The following CACNA2D4 variants were observed in gnomAD, a reference collection of about 807,000 sequenced individuals.
CACNA2D4 encodes the protein calcium voltage-gated channel auxiliary subunit alpha2delta 4, also known as voltage-dependent calcium channel subunit alpha-2/delta-4.
In CACNA2D4, 157 loss-of-function variants were observed where a neutral mutation model predicts 163.8. The observed-to-expected ratio is 0.96, with a 90% CI of 0.84 to 1.09. The LOEUF is 1.09. Ranked by LOEUF, CACNA2D4 falls within the 50% of genes least tolerant of loss-of-function variation. The pLI is 0.00. For missense variants in CACNA2D4, 1,410 were observed against 1,479.9 expected, an observed-to-expected ratio of 0.95 and a Z score of 0.78; for synonymous variants, 598 against 586.9, an observed-to-expected ratio of 1.02 and a Z score of -0.27.
chr12:1,855,874 G>A (rs907147976), intron 22 of CACNA2D4, 138 bp downstream of exon 22: 20 of 656,008 alleles, frequency 3.0e-5, no homozygotes, highest in African/African-American at 2.9e-4. Flanking sequence ...GAATCTCCCT[G>A]TTTGATCTAA....
In CACNA2D4 at chr12:1,802,386, G is replaced by C. The variant is rs1033165873; in HGVS notation, c.2722-742C>G. ...GCCTTCATTTCCAAAAAATAAAACA[G>C]GACCCTCCCTCCTGCCCCCGGCTCC... is the stretch of plus-strand genomic sequence containing the variant. On this transcript the variant is annotated intron_variant, in intron 29 of 37. Transcript: ENST00000382722. This position sits in a 1 kb window ranked among gnomAD's most constrained non-coding sequence, Gnocchi z 4.7. Among the ~76,000 whole-genome samples the C allele has an allele frequency of 1.3e-5, 2 of 152,122 alleles. No homozygotes were observed. The highest frequency in any genetic ancestry group is 2.9e-5 in the Non-Finnish European group (2 of 68,022).
chr12:1,881,037 G>C (rs938612669), intron 13 of CACNA2D4, among the ~76,000 whole-genome samples: 2 of 152,212 alleles, frequency 1.3e-5, no homozygotes, highest in African/African-American at 4.8e-5. Flanking sequence ...CTGGGCTCAG[G>C]GGAGTGACAT....
intron 18 of CACNA2D4, among the ~76,000 whole-genome samples, chr12:1,865,596 C>T (rs1269838786): frequency 6.6e-6 from 1 of 152,260 alleles, no homozygotes; most frequent in Non-Finnish European, 1.5e-5. Context: ...GGCCATTACG[C>T]AGGCTGTCCC....
chr12:1,814,769 GC>G (rs1318553838), intron 26 of CACNA2D4, among the ~76,000 whole-genome samples: 1 of 152,224 alleles, frequency 6.6e-6, no homozygotes, highest in Non-Finnish European at 1.5e-5. Flanking sequence ...CCCCGAACTG[GC>G]CCCCGCCTTG....
chr12:1,892,075 G>A (rs1187888711), intron 6 of CACNA2D4, among the ~76,000 whole-genome samples: 9 of 142,254 alleles, frequency 6.3e-5, no homozygotes, highest in Non-Finnish European at 1.4e-4. Flanking sequence ...GAAGCTCATA[G>A]ATCCCCAAAC....
intron 24 of CACNA2D4, among the ~76,000 whole-genome samples, chr12:1,845,646 T>C (rs1865128078): frequency 6.6e-6 from 1 of 152,122 alleles, no homozygotes. Context: ...TGGAGTCTCC[T>C]GGGTTGCGAA....
At chr12:1,912,946 G>T in intron 3 of CACNA2D4, 77 bp downstream of exon 3, 2 of 851,758 alleles carry the variant, frequency 2.3e-6, no homozygotes, top group Non-Finnish European at 3.9e-6. Flanking sequence ...GCAGGGCCAT[G>T]ACATCGGGAG....
chr12:1,892,366 G>C (rs1455533042), intron 6 of CACNA2D4, among the ~76,000 whole-genome samples: 3 of 152,164 alleles, frequency 2.0e-5, no homozygotes, highest in Admixed American at 2.0e-4. Flanking sequence ...ATAAGCAAAA[G>C]CTGAGGGAAT....
At chr12:1,880,484 G>A (rs758567085) in intron 13 of CACNA2D4, among the ~76,000 whole-genome samples, 4 of 152,368 alleles carry the variant, frequency 2.6e-5, no homozygotes, top group Middle Eastern at 3.4e-3. Context: ...ACCTCTAGAC[G>A]GCTGTCCGCC....
At chr12:1,811,810 C>T (rs1443385234) in intron 26 of CACNA2D4, 87 bp from the exon 27 acceptor site, 45 of 1,307,268 alleles carry the variant, frequency 3.4e-5, no homozygotes, top group East Asian at 5.1e-5. Context: ...GAGGTGCTTC[C>T]GCAGGAACTG....
At position 1,799,760 on chromosome 12, in the gene CACNA2D4, G is replaced by A. The variant is rs867359445; in HGVS notation, c.2975-65C>T. 1.3e-6 allele frequency: 2 copies of A among 1,543,046 alleles called. No individual in the cohort carries two copies. The highest frequency in any genetic ancestry group is 1.2e-5 in the South Asian group (1 of 84,028). On this transcript the variant is annotated intron_variant, in intron 33 of 37. Coordinates refer to ENST00000382722, the MANE Select transcript of CACNA2D4 (RefSeq NM_172364.5). The surrounding 1 kb of genome is among the most constrained non-coding windows in gnomAD (Gnocchi z 4.7). ...CAGGAAAACATGGTGGCACATGAGG[G>A]CAGGATGTCATGGGGTGGTGATGAT...
At chr12:1,811,587 G>C in intron 27 of CACNA2D4, 75 bp downstream of exon 27, 1 of 1,436,850 alleles carries the variant, frequency 7.0e-7, no homozygotes, top group Non-Finnish European at 9.6e-7. Flanking sequence ...GCATCCAAGG[G>C]GAGGGAGAGG....
chr12:1,905,215 T>C lies in CACNA2D4; in HGVS notation c.781+2225A>G, dbSNP rs185222651. ...AAAACTAGCAATAGAATGAAACTGA[T>C]ATAAAAATCATATATGGAAAATCAC... On this transcript the variant is annotated intron_variant, in intron 6 of 37. Transcript: ENST00000382722. Among the ~76,000 whole-genome samples, 406 of 152,206 alleles carry C rather than the reference T, an allele frequency of 2.7e-3. 4 individuals are homozygous for C. Among genetic ancestry groups the C allele is most frequent in the African/African-American group, 9.2e-3 (384 of 41,572 alleles).
intron 31 of CACNA2D4, 101 bp from the exon 32 acceptor site, chr12:1,800,539 T>C (rs992698304): frequency 1.7e-6 from 2 of 1,199,796 alleles, no homozygotes; most frequent in African/African-American, 3.0e-5. Context: ...GAGAGTGGGC[T>C]GCCCTGCCAC....
Position 1,840,749 on chromosome 12 carries a change from G to T in CACNA2D4, c.2541C>A (p.Ala847=). ...AVAVTVDKRT[A]IAAAAGVQMK... is the part of the protein sequence containing the mutation. Reference sequence around the variant, plus strand: ...AAGGGCCGTTCCTACCTGCAGCAATGGCTGTCCTCTTGTCCACGGTCACCG... The same window carrying T: ...AAGGGCCGTTCCTACCTGCAGCAATTGCTGTCCTCTTGTCCACGGTCACCG... Residue 847 remains alanine, a synonymous_variant, in exon 26 of 38, where the codon GCC becomes GCA. Transcript: ENST00000382722. The T allele has an allele frequency of 6.2e-7, 1 of 1,613,730 alleles. No homozygotes were observed. The highest frequency in any genetic ancestry group is 8.5e-7 in the Non-Finnish European group (1 of 1,179,768).
intron 18 of CACNA2D4, among the ~76,000 whole-genome samples, chr12:1,868,889 T>C (rs76233846): frequency 0.02 from 2,987 of 152,298 alleles, 107 homozygotes; most frequent in African/African-American, 0.067. Flanking sequence ...GCTATTTATA[T>C]AGCAATTACA....
intron 20 of CACNA2D4, among the ~76,000 whole-genome samples, chr12:1,857,442 A>C (rs1216461748): frequency 6.6e-6 from 1 of 152,186 alleles, no homozygotes; most frequent in African/African-American, 2.4e-5. Flanking sequence ...TCAGAGAAGA[A>C]AGGAGTCAGG....
At chr12:1,827,832 A>T in intron 26 of CACNA2D4, 2 of 338,714 alleles carry the variant, frequency 5.9e-6, no homozygotes, top group Non-Finnish European at 1.1e-5. Flanking sequence ...CCATGGGTGC[A>T]CCCCCAGCTT....
chr12:1,896,606 AACACACACACACAC>A (rs61535168), intron 6 of CACNA2D4, among the ~76,000 whole-genome samples: 51 of 130,714 alleles, frequency 3.9e-4, no homozygotes, highest in Middle Eastern at 3.8e-3. Flanking sequence ...GCTATTAATA[AACACACACACACAC>A]ACACACACAC....
Sources: allele counts gnomAD v4.1 joint callset (sites outside exome capture counted in the v4.1 genomes callset), GRCh38; gene constraint gnomAD v4.1.1; non-coding constraint Gnocchi (gnomAD v3.1); transcripts MANE v1.5; gene names NCBI Gene and HGNC (gene_info 2026-07-23, HGNC 2026-07-21).